UBE2D4: variants seen among roughly 807,000 people sequenced by gnomAD.
UBE2D4 encodes the protein ubiquitin conjugating enzyme E2 D4.
Under a neutral mutation model 23.0 loss-of-function variants are expected in UBE2D4, and 17 were observed. The observed-to-expected ratio is 0.74, with a 90% CI of 0.51 to 1.11. The LOEUF (loss-of-function observed/expected upper bound fraction) is 1.11, where lower values mean the gene tolerates loss of function less well. Among genes scored for constraint, UBE2D4 ranks in the 50% least tolerant of loss-of-function variants. UBE2D4 has a pLI of 0.00. For missense variants in UBE2D4, 139 were observed against 181.8 expected (o/e 0.76, Z 1.35); for synonymous variants, 61 against 69.4 (o/e 0.88, Z 0.60).
intron 1 of UBE2D4, among the ~76,000 whole-genome samples, chr7:43,926,894 C>G (rs1324724798): frequency 6.6e-6 from 1 of 152,180 alleles, no homozygotes; most frequent in Admixed American, 6.5e-5. Context: ...CAGGAAGAAG[C>G]TGGGTCCTAA....
intron 1 of UBE2D4, among the ~76,000 whole-genome samples, chr7:43,934,887 G>A (rs1353790168): frequency 6.6e-6 from 1 of 152,034 alleles, no homozygotes; most frequent in Non-Finnish European, 1.5e-5. Flanking sequence ...ACAATGCTAA[G>A]CTATAATTTT....
Position 43,953,521 on chromosome 7 carries a change from G to A in UBE2D4, c.*826G>A. 1 of 228,038 alleles carries A rather than the reference G, an allele frequency of 4.4e-6. No individual in the cohort carries two copies. The highest frequency in any genetic ancestry group is 8.9e-6 in the Non-Finnish European group (1 of 112,720). The allele number at this position is 228,038 out of a possible 1,614,324, so 14.1% of individuals were successfully genotyped here. On this transcript the variant is annotated 3_prime_UTR_variant, in exon 7 of 7. Coordinates refer to ENST00000222402, the MANE Select transcript of UBE2D4 (RefSeq NM_015983.4). ...ACAGACTAGAACACAAGGAGGGAGA[G>A]AGACTCTTAAACGTAAATAAAAATG...
Position 43,953,382 on chromosome 7 carries a change from G to A in UBE2D4, c.*687G>A. On this transcript the variant is annotated 3_prime_UTR_variant, in exon 7 of 7. Transcript: ENST00000222402. Reference sequence around the variant, plus strand: ...GATGATTATGTTTTTAGAAGCAAGAGCAAAATTATGAAACCTCTAGAGATT... The same window carrying A: ...GATGATTATGTTTTTAGAAGCAAGAACAAAATTATGAAACCTCTAGAGATT... 2.8e-6 allele frequency: 1 copy of A among 351,044 alleles called. No homozygotes were observed. Among genetic ancestry groups the A allele is most frequent in the Non-Finnish European group, 5.6e-6 (1 of 178,352 alleles). 21.7% of individuals were successfully genotyped at this position (351,044 alleles called of 1,614,324 possible).
intron 6 of UBE2D4, chr7:43,952,185 A>C (rs907397146): frequency 6.3e-6 from 1 of 158,862 alleles, no homozygotes; most frequent in Non-Finnish European, 1.4e-5. Flanking sequence ...CAATCAAAAA[A>C]GCCAGGACAC....
At chr7:43,933,142 A>G (rs1430417670) in intron 1 of UBE2D4, among the ~76,000 whole-genome samples, 3 of 150,256 alleles carry the variant, frequency 2.0e-5, no homozygotes, top group African/African-American at 7.3e-5. Flanking sequence ...ACATATACGT[A>G]CATATATATG....
intron 1 of UBE2D4, among the ~76,000 whole-genome samples, chr7:43,935,417 G>T (rs1267470943): frequency 6.6e-6 from 1 of 151,936 alleles, no homozygotes; most frequent in African/African-American, 2.4e-5. Flanking sequence ...TACCATAAAA[G>T]ACCTAATTCT....
At chr7:43,928,196 T>G (rs1312067959) in intron 1 of UBE2D4, 1 of 308,644 alleles carries the variant, frequency 3.2e-6, no homozygotes, top group Non-Finnish European at 6.6e-6. Context: ...CACTTATTAT[T>G]GTGGGGGGGC....
At chr7:43,951,191 T>A (rs533732234) in intron 6 of UBE2D4, among the ~76,000 whole-genome samples, 52 of 152,378 alleles carry the variant, frequency 3.4e-4, no homozygotes, top group Non-Finnish European at 6.2e-4. Flanking sequence ...TAGACCTTCA[T>A]TGCCAGCTCT....
At chr7:43,950,131 C>T (rs2095998607) in intron 5 of UBE2D4, among the ~76,000 whole-genome samples, 2 of 152,186 alleles carry the variant, frequency 1.3e-5, no homozygotes, top group African/African-American at 2.4e-5. Flanking sequence ...GCTGGGATTA[C>T]AGGCAAGAGC....
chr7:43,936,629 T>C (rs1434074635), intron 1 of UBE2D4, among the ~76,000 whole-genome samples: 1 of 152,230 alleles, frequency 6.6e-6, no homozygotes, highest in Non-Finnish European at 1.5e-5. Context: ...TGTCGAAGTA[T>C]TCTTCTAGAA....
chr7:43,949,183 A>C, intron 5 of UBE2D4: 1 of 209,298 alleles, frequency 4.8e-6, no homozygotes, highest in Admixed American at 5.3e-5. Flanking sequence ...CCCAAAATAA[A>C]TGATGTTGAG....
intron 1 of UBE2D4, among the ~76,000 whole-genome samples, chr7:43,929,439 A>G (rs1291136971): frequency 6.6e-6 from 1 of 151,488 alleles, no homozygotes; most frequent in East Asian, 1.9e-4. Flanking sequence ...AAAAAAAAAA[A>G]AAAGTAAATA....
At chr7:43,945,721 A>ATC (rs2132785546) in intron 4 of UBE2D4, among the ~76,000 whole-genome samples, 1 of 151,618 alleles carries the variant, frequency 6.6e-6, no homozygotes, top group South Asian at 2.1e-4. Context: ...TGCATCCTCC[A>ATC]TCTAGACTAA....
intron 4 of UBE2D4, among the ~76,000 whole-genome samples, chr7:43,946,853 G>A (rs1161758085): frequency 1.3e-5 from 2 of 151,936 alleles, no homozygotes; most frequent in Non-Finnish European, 2.9e-5. Flanking sequence ...CCTGGCAGAG[G>A]GTCCACGGCC....
At position 43,954,036 on chromosome 7, in the gene UBE2D4, T is replaced by G. The variant is rs1054205623; in HGVS notation, c.*1341T>G. Reference sequence around the variant, plus strand: ...AGGTGGCTGTGGGAGGTTGATTTCTTCCAGAAACTTCCAAGTTGTGGCTAC... The same window carrying G: ...AGGTGGCTGTGGGAGGTTGATTTCTGCCAGAAACTTCCAAGTTGTGGCTAC... On this transcript the variant is annotated 3_prime_UTR_variant, in exon 7 of 7. Coordinates refer to ENST00000222402, the MANE Select transcript of UBE2D4 (RefSeq NM_015983.4). 1.3e-5 allele frequency: 2 copies of G among 152,202 alleles called. No individual in the cohort carries two copies. Among genetic ancestry groups the G allele is most frequent in the African/African-American group, 4.8e-5 (2 of 41,460 alleles). The allele number at this position is 152,202 out of a possible 1,614,324, so 9.4% of individuals were successfully genotyped here.
intron 1 of UBE2D4, among the ~76,000 whole-genome samples, chr7:43,929,270 C>A (rs2095940258): frequency 6.6e-6 from 1 of 151,524 alleles, no homozygotes; most frequent in African/African-American, 2.4e-5. Context: ...AATAAAAATA[C>A]AAAAAAATTA....
intron 4 of UBE2D4, among the ~76,000 whole-genome samples, chr7:43,946,819 T>C (rs1196207079): frequency 6.6e-6 from 1 of 151,670 alleles, no homozygotes; most frequent in Non-Finnish European, 1.5e-5. Flanking sequence ...AAGGGTGAAG[T>C]AGAAAGGTGG....
chr7:43,929,646 G>C (rs1221145447), intron 1 of UBE2D4, among the ~76,000 whole-genome samples: 4 of 151,978 alleles, frequency 2.6e-5, no homozygotes, highest in African/African-American at 9.7e-5. Flanking sequence ...GTCAGGGCTG[G>C]CTTCATGTGT....
At chr7:43,948,840 C>G in intron 5 of UBE2D4, 103 bp downstream of exon 5, 2 of 877,826 alleles carry the variant, frequency 2.3e-6, no homozygotes, top group South Asian at 2.8e-5. Flanking sequence ...TCACCTTTCC[C>G]AGGTCACATA....
Sources: gnomAD v4.1 joint callset for allele counts (sites outside exome capture counted in the v4.1 genomes callset) on GRCh38, gnomAD v4.1.1 for gene constraint, MANE v1.5 for transcripts, NCBI Gene and HGNC (gene_info 2026-07-23, HGNC 2026-07-21) for gene names.